The following NCOA7 variants were observed in gnomAD, a reference collection of about 807,000 sequenced individuals.
NCOA7 encodes the protein 140 kDa estrogen receptor-associated protein.
In NCOA7, 45 loss-of-function variants were observed where a neutral mutation model predicts 104.3. That is an observed-to-expected ratio of 0.43 (90% CI 0.34 to 0.55). The LOEUF is 0.55. Ranked by LOEUF, NCOA7 falls within the 20% of genes least tolerant of loss-of-function variation. The pLI is 0.02. For synonymous variants in NCOA7, 398 were observed against 402.3 expected (o/e 0.99, Z 0.13); for missense variants, 1,041 against 1,119.7 (o/e 0.93, Z 1.00).
chr6:125,912,995 T>A (rs1331783840), intron 10 of NCOA7, among the ~76,000 whole-genome samples: 2 of 152,148 alleles, frequency 1.3e-5, no homozygotes, highest in African/African-American at 4.8e-5. Flanking sequence ...ATTCCAAATA[T>A]TAAAATAATT....
At chr6:125,796,444 G>A (rs1775343911) in intron 1 of NCOA7, among the ~76,000 whole-genome samples, 2 of 148,896 alleles carry the variant, frequency 1.3e-5, no homozygotes, top group African/African-American at 5.0e-5. Context: ...AGGATGCTCA[G>A]GTTTCTGATA....
chr6:125,845,263 T>C (rs1011638093), intron 2 of NCOA7, among the ~76,000 whole-genome samples: 3 of 152,064 alleles, frequency 2.0e-5, no homozygotes, highest in Non-Finnish European at 4.4e-5. Context: ...AGACCAGCTC[T>C]ATCTGATTTA....
intron 2 of NCOA7, among the ~76,000 whole-genome samples, chr6:125,840,345 GTA>G (rs987824843): frequency 2.0e-5 from 3 of 151,880 alleles, no homozygotes; most frequent in African/African-American, 4.8e-5. Flanking sequence ...GTAAGCTAAG[GTA>G]GTTTATTATT....
intron 2 of NCOA7, among the ~76,000 whole-genome samples, chr6:125,823,394 A>T (rs889911060): frequency 6.6e-6 from 1 of 152,360 alleles, no homozygotes; most frequent in East Asian, 1.9e-4. Context: ...TATTAATCTT[A>T]AAAATATTGA....
intron 3 of NCOA7, among the ~76,000 whole-genome samples, chr6:125,866,930 T>C (rs2128631663): frequency 6.6e-6 from 1 of 152,336 alleles, no homozygotes; most frequent in Admixed American, 6.5e-5. Context: ...AAACTGTTCC[T>C]TTGCCATAAA....
chr6:125,924,630 A>G (rs1453150614), intron 13 of NCOA7, among the ~76,000 whole-genome samples: 1 of 152,258 alleles, frequency 6.6e-6, no homozygotes, highest in African/African-American at 2.4e-5. Flanking sequence ...AGAAATAACA[A>G]AAACAACAAT....
chr6:125,856,378 A>C (rs921681529), intron 3 of NCOA7, among the ~76,000 whole-genome samples: 3 of 151,830 alleles, frequency 2.0e-5, no homozygotes, highest in African/African-American at 7.3e-5. Flanking sequence ...TTTGAGACAG[A>C]GTCTCGCTCT....
At position 125,929,983 on chromosome 6, in the gene NCOA7, G is replaced by A. The variant is rs1161827939; in HGVS notation, c.*1212G>A. 8 of 152,094 alleles carry A rather than the reference G, an allele frequency of 5.3e-5. No individual in the cohort carries two copies. Among genetic ancestry groups the A allele is most frequent in the Non-Finnish European group, 2.9e-5 (2 of 68,026 alleles). 9.4% of individuals were successfully genotyped at this position (152,094 alleles called of 1,614,324 possible). ...TGAGAAAAAAACAATACAAAGAAATGCATTCATATCAAAATTGGAATAGAA... is the reference window on the plus strand; with the variant it reads ...TGAGAAAAAAACAATACAAAGAAATACATTCATATCAAAATTGGAATAGAA... On this transcript the variant is annotated 3_prime_UTR_variant, in exon 16 of 16. Coordinates refer to ENST00000392477, the MANE Select transcript of NCOA7 (RefSeq NM_181782.5).
At chr6:125,831,837 C>G (rs1020162527) in intron 2 of NCOA7, among the ~76,000 whole-genome samples, 1 of 152,166 alleles carries the variant, frequency 6.6e-6, no homozygotes, top group African/African-American at 2.4e-5. Context: ...CTTTCTATGC[C>G]TGTTCCTATA....
rs1363379102 is a variant in NCOA7 at position 125,929,733 on chromosome 6, C to T, written c.*962C>T. 6 of 152,156 alleles carry T rather than the reference C, an allele frequency of 3.9e-5. No individual in the cohort carries two copies. Among genetic ancestry groups the T allele is most frequent in the African/African-American group, 1.4e-4 (6 of 41,512 alleles). 9.4% of individuals were successfully genotyped at this position (152,156 alleles called of 1,614,324 possible). On this transcript the variant is annotated 3_prime_UTR_variant, in exon 16 of 16. Coordinates refer to ENST00000392477, the MANE Select transcript of NCOA7 (RefSeq NM_181782.5). ...TACCTTTGTGAACCTAGACTTAGAA[C>T]AAATCCTGCTTTTGAAAAAAAATGT...
chr6:125,784,987 AACACACAC>A (rs3084325), intron 1 of NCOA7, among the ~76,000 whole-genome samples: 6,098 of 148,364 alleles, frequency 0.041, 405 homozygotes, highest in African/African-American at 0.14. Context: ...GTTGCATATA[AACACACAC>A]ACACACACAC....
rs568499408 is a variant in NCOA7, at chr6:125,832,480, G to GAC, written c.50+17084_50+17085dup. On this transcript the variant is annotated intron_variant, in intron 2 of 15. Transcript: ENST00000392477. ...TATTTTATTATTTGCCAGGCAAGAG[G>GAC]ACACACACATGTTCATTGGTAATGC... Among the ~76,000 whole-genome samples, 355 of 152,350 alleles carry GAC rather than the reference G, an allele frequency of 2.3e-3. 1 individual carries two copies. The highest frequency in any genetic ancestry group is 8.3e-3 in the African/African-American group (344 of 41,576).
intron 1 of NCOA7, among the ~76,000 whole-genome samples, chr6:125,791,294 G>A (rs1367846843): frequency 6.6e-6 from 1 of 152,206 alleles, no homozygotes; most frequent in Non-Finnish European, 1.5e-5. Context: ...ACCCTTCCCC[G>A]CCCACCCCTT....
At chr6:125,845,721 C>T (rs6922416) in intron 2 of NCOA7, among the ~76,000 whole-genome samples, 44,731 of 152,056 alleles carry the variant, frequency 0.29, 8,060 homozygotes, top group East Asian at 0.49. Flanking sequence ...GAGCCAAGAT[C>T]GCGCCACTGC....
chr6:125,794,099 C>T (rs982006940), intron 1 of NCOA7, among the ~76,000 whole-genome samples: 7 of 152,164 alleles, frequency 4.6e-5, no homozygotes, highest in African/African-American at 7.2e-5. Context: ...AACACCCCCC[C>T]ATATGCCCAC....
chr6:125,836,472 C>A (rs1348818105), intron 2 of NCOA7, among the ~76,000 whole-genome samples: 1 of 152,094 alleles, frequency 6.6e-6, no homozygotes, highest in Non-Finnish European at 1.5e-5. Context: ...TGATATACTC[C>A]CTGCAGAGTC....
chr6:125,851,327 C>T (rs1381236098), intron 2 of NCOA7, among the ~76,000 whole-genome samples: 1 of 152,174 alleles, frequency 6.6e-6, no homozygotes, highest in Non-Finnish European at 1.5e-5. Flanking sequence ...TTAGCTCCCA[C>T]TTATAAGCGA....
At position 125,925,839 on chromosome 6, in the gene NCOA7, A is replaced by T. The variant is rs1787975478; in HGVS notation, c.2524-1824A>T. Among the ~76,000 whole-genome samples the T allele has an allele frequency of 2.6e-5, 4 of 152,190 alleles. No homozygotes were observed. In the South Asian group the frequency reaches 8.3e-4, roughly 32 times the overall value. ...TAAATGTATTACATTTTTATATGGT[A>T]TAGGCTGAACAACACTATTATATAA... On this transcript the variant is annotated intron_variant, in intron 13 of 15. Coordinates refer to ENST00000392477, the MANE Select transcript of NCOA7 (RefSeq NM_181782.5).
At chr6:125,797,977 A>C (rs1239218198) in intron 1 of NCOA7, 2 of 152,244 alleles carry the variant, frequency 1.3e-5, no homozygotes, top group African/African-American at 2.4e-5. Flanking sequence ...TAAGATGGCC[A>C]AGACATGAAA....
Sources: gnomAD v4.1 joint callset for allele counts (sites outside exome capture counted in the v4.1 genomes callset) on GRCh38, gnomAD v4.1.1 for gene constraint, MANE v1.5 for transcripts, NCBI Gene and HGNC (gene_info 2026-07-23, HGNC 2026-07-21) for gene names.